Variants in SCIN observed in about 807,000 individuals in gnomAD.
SCIN encodes the protein adseverin.
In SCIN, 91 loss-of-function variants were observed where a neutral mutation model predicts 91.8. The ratio of observed to expected loss-of-function variants is 0.99; its 90% CI spans 0.84 to 1.18. SCIN has a LOEUF of 1.18. SCIN is among the 50% of genes most tolerant of loss of function. The probability of loss-of-function intolerance (pLI) is 0.00; values close to 1 mark genes in which losing one functional copy is unlikely to be tolerated. For synonymous variants in SCIN, 367 were observed against 312.6 expected (o/e 1.17, Z -1.84); for missense variants, 1,087 against 863.9 (o/e 1.26, Z -3.24).
At chr7:12,606,783 T>C (rs891975846) in intron 4 of SCIN, among the ~76,000 whole-genome samples, 1 of 152,174 alleles carries the variant, frequency 6.6e-6, no homozygotes, top group African/African-American at 2.4e-5. Context: ...ATTCATTTTA[T>C]AATCAGAAAA....
At chr7:12,612,468 T>G (rs575377275) in intron 4 of SCIN, among the ~76,000 whole-genome samples, 8 of 152,168 alleles carry the variant, frequency 5.3e-5, no homozygotes, top group Non-Finnish European at 7.4e-5. Context: ...TTTCTCCTCT[T>G]TGCTGCATTG....
Position 12,655,602 on chromosome 7 carries a change from A to T in SCIN, c.*2887A>T, listed in dbSNP as rs1046690374. The stretch of plus-strand genomic sequence containing the variant: ...GCAAATGTTAAAATATTAAAATGTT[A>T]GTGGTCATCAAAATGTAGGGTTACA... On this transcript the variant is annotated 3_prime_UTR_variant, in exon 16 of 16. Transcript: ENST00000297029. The T allele has an allele frequency of 5.3e-5, 8 of 152,224 alleles. No homozygotes were observed. The highest frequency in any genetic ancestry group is 1.9e-4 in the African/African-American group (8 of 41,464). The allele number at this position is 152,224 out of a possible 1,614,324, so 9.4% of individuals were successfully genotyped here.
intron 3 of SCIN, among the ~76,000 whole-genome samples, chr7:12,592,034 A>G (rs915727514): frequency 6.6e-6 from 1 of 152,198 alleles, no homozygotes; most frequent in East Asian, 1.9e-4. Context: ...GTTTCGGGCT[A>G]GAGCTTGTCC....
At chr7:12,582,776 G>C (rs752054234) in intron 3 of SCIN, among the ~76,000 whole-genome samples, 1 of 151,942 alleles carries the variant, frequency 6.6e-6, no homozygotes, top group Non-Finnish European at 1.5e-5. Context: ...TATAAATAAA[G>C]AAATAAATAA....
chr7:12,591,239 T>G (rs1255496332), intron 3 of SCIN, among the ~76,000 whole-genome samples: 4 of 152,088 alleles, frequency 2.6e-5, no homozygotes, highest in African/African-American at 9.7e-5. Context: ...TTTGGGATTT[T>G]TTATAAAGAG....
intron 1 of SCIN, among the ~76,000 whole-genome samples, chr7:12,575,000 C>A (rs980799139): frequency 6.6e-6 from 1 of 152,038 alleles, no homozygotes; most frequent in African/African-American, 2.4e-5. Flanking sequence ...CTTAGGTCTT[C>A]CTTGATATTT....
intron 3 of SCIN, among the ~76,000 whole-genome samples, chr7:12,599,848 C>T (rs1782922330): frequency 6.6e-6 from 1 of 151,992 alleles, no homozygotes; most frequent in African/African-American, 2.4e-5. Flanking sequence ...TGTCCTTAGC[C>T]CACTTTTTGA....
At chr7:12,628,070 C>CTTG (rs1687422452) in intron 8 of SCIN, among the ~76,000 whole-genome samples, 3 of 149,992 alleles carry the variant, frequency 2.0e-5, no homozygotes, top group African/African-American at 7.4e-5. Flanking sequence ...TGTGTGTTTG[C>CTTG]TTGCATGTAC....
At chr7:12,599,550 T>C (rs1782915325) in intron 3 of SCIN, among the ~76,000 whole-genome samples, 1 of 152,226 alleles carries the variant, frequency 6.6e-6, no homozygotes, top group Non-Finnish European at 1.5e-5. Flanking sequence ...GTGGGTTTGC[T>C]GGATCAAACA....
At chr7:12,585,399 A>C (rs970187489) in intron 3 of SCIN, among the ~76,000 whole-genome samples, 4 of 151,988 alleles carry the variant, frequency 2.6e-5, no homozygotes, top group Admixed American at 2.0e-4. Context: ...AAGGATTTTA[A>C]TTATTGTCTC....
intron 14 of SCIN, 43 bp downstream of exon 14, chr7:12,649,587 T>C (rs1345257693): frequency 2.2e-6 from 3 of 1,361,550 alleles, no homozygotes; most frequent in Admixed American, 2.0e-5. Context: ...GCATTTTTGG[T>C]TGGGAGATGA....
intron 4 of SCIN, among the ~76,000 whole-genome samples, chr7:12,616,983 T>G (rs949358114): frequency 7.2e-5 from 11 of 152,148 alleles, no homozygotes; most frequent in African/African-American, 2.7e-4. Context: ...AGATATAAGA[T>G]TTTGACAAAG....
At chr7:12,582,514 T>G (rs894865000) in intron 3 of SCIN, among the ~76,000 whole-genome samples, 1 of 152,178 alleles carries the variant, frequency 6.6e-6, no homozygotes, top group African/African-American at 2.4e-5. Context: ...TCATACCAGC[T>G]TGTGTGCAAA....
chr7:12,648,422 A>G (rs1486013899), intron 13 of SCIN, among the ~76,000 whole-genome samples: 1 of 151,224 alleles, frequency 6.6e-6, no homozygotes, highest in African/African-American at 2.4e-5. Context: ...TCAGCCTCCC[A>G]AGTAGCTGGA....
intron 9 of SCIN, 105 bp downstream of exon 9, chr7:12,629,327 A>C (rs1222282938): frequency 1.1e-5 from 12 of 1,139,448 alleles, no homozygotes. Flanking sequence ...TAATCATCCC[A>C]GTGAGATTTG....
chr7:12,621,718 T>TA (rs1366419402), intron 4 of SCIN, among the ~76,000 whole-genome samples: 1 of 150,150 alleles, frequency 6.7e-6, no homozygotes, highest in Non-Finnish European at 1.5e-5. Context: ...GCATGTACAG[T>TA]ATCTAAAACA....
At chr7:12,628,522 G>T (rs760624809) in intron 8 of SCIN, among the ~76,000 whole-genome samples, 4 of 152,022 alleles carry the variant, frequency 2.6e-5, no homozygotes, top group African/African-American at 7.2e-5. Context: ...ACTCATGAAG[G>T]CTCCAGCCTC....
rs147898722 is a variant in SCIN at position 12,584,296 on chromosome 7, C to T, written c.516+3075C>T. Among the ~76,000 whole-genome samples, 331 of 152,312 alleles carry T rather than the reference C, an allele frequency of 2.2e-3. 5 individuals are homozygous for T. Among genetic ancestry groups the T allele is most frequent in the African/African-American group, 7.6e-3 (316 of 41,568 alleles). On this transcript the variant is annotated intron_variant, in intron 3 of 15. Transcript: ENST00000297029. The stretch of plus-strand genomic sequence containing the variant: ...GCCTAAAAGGATGCCAGTGCAGTTT[C>T]TTCAAGTTTGTATTATGACCCAGGT...
chr7:12,636,150 A>G lies in SCIN; in HGVS notation c.1410+15A>G, dbSNP rs779927381. The G allele has an allele frequency of 2.3e-5, 36 of 1,590,220 alleles. 1 individual carries two copies. The highest frequency in any genetic ancestry group is 1.9e-4 in the South Asian group (17 of 88,948). On this transcript the variant is annotated intron_variant, in intron 10 of 15. Transcript: ENST00000297029. ...AGGCTGTGCAGGTTGGGATATTTTT[A>G]CCCCCAAAACTCACACAAGTTAAAG...
Sources: allele counts gnomAD v4.1 joint callset (sites outside exome capture counted in the v4.1 genomes callset), GRCh38; gene constraint gnomAD v4.1.1; transcripts MANE v1.5; gene names NCBI Gene and HGNC (gene_info 2026-07-23, HGNC 2026-07-21).